The following BAG4 variants were observed in gnomAD, a reference collection of about 807,000 sequenced individuals.
BAG4 encodes the protein BAG cochaperone 4.
In BAG4, 28 loss-of-function variants were observed where a neutral mutation model predicts 52.1. That is an observed-to-expected ratio of 0.54 (90% confidence interval 0.40 to 0.74). The LOEUF (loss-of-function observed/expected upper bound fraction) is 0.74, where lower values mean the gene tolerates loss of function less well. BAG4 is among the 30% of genes least tolerant of loss of function. BAG4 has a pLI of 0.00. For synonymous variants in BAG4, 208 were observed against 217.0 expected, an observed-to-expected ratio of 0.96 and a Z score of 0.37; for missense variants, 525 against 572.0, an observed-to-expected ratio of 0.92 and a Z score of 0.84.
intron 2 of BAG4, chr8:38,204,175 A>G (rs1169384201): frequency 6.6e-6 from 1 of 152,364 alleles, no homozygotes; most frequent in African/African-American, 2.4e-5. Flanking sequence ...TCATGAAGGC[A>G]TCTCAAAACC....
At chr8:38,193,103 C>T (rs996829607) in intron 2 of BAG4, among the ~76,000 whole-genome samples, 1 of 151,960 alleles carries the variant, frequency 6.6e-6, no homozygotes, top group Non-Finnish European at 1.5e-5. Flanking sequence ...ATAAAAAGTA[C>T]AGAAAATATA....
At chr8:38,206,929 T>C (rs1803777817) in intron 2 of BAG4, among the ~76,000 whole-genome samples, 1 of 150,454 alleles carries the variant, frequency 6.6e-6, no homozygotes, top group African/African-American at 2.4e-5. Flanking sequence ...TACAGATGTG[T>C]GCCATGAGGC....
At chr8:38,196,938 G>T (rs1467750443) in intron 2 of BAG4, among the ~76,000 whole-genome samples, 1 of 151,922 alleles carries the variant, frequency 6.6e-6, no homozygotes, top group Admixed American at 6.6e-5. Context: ...TTAGCTGGGC[G>T]TGGTGGCAGG....
chr8:38,193,292 G>A (rs1803506329), intron 2 of BAG4, among the ~76,000 whole-genome samples: 2 of 151,680 alleles, frequency 1.3e-5, no homozygotes, highest in Admixed American at 6.6e-5. Context: ...GGTGGTGGGC[G>A]CCTGTACTCC....
chr8:38,180,027 G>A lies in BAG4; in HGVS notation c.270+2888G>A, dbSNP rs184972935. 3.9e-5 allele frequency among the ~76,000 whole-genome samples: 6 copies of A among 152,278 alleles called. No homozygotes were observed. In the East Asian group the frequency reaches 9.7e-4, roughly 25 times the overall value. ...AAGTTAAGATTTTAGCATTGTGTAAGGGGTTGTCAGGTGTGGTTTGAGTAC... is the reference window on the plus strand; with the variant it reads ...AAGTTAAGATTTTAGCATTGTGTAAAGGGTTGTCAGGTGTGGTTTGAGTAC... On this transcript the variant is annotated intron_variant, in intron 1 of 4. Coordinates refer to ENST00000287322, the MANE Select transcript of BAG4 (RefSeq NM_004874.4).
chr8:38,188,112 A>G (rs549621751), intron 1 of BAG4, among the ~76,000 whole-genome samples: 40 of 151,940 alleles, frequency 2.6e-4, no homozygotes, highest in Admixed American at 1.9e-3. Flanking sequence ...AGAAAAAAAA[A>G]GTATAATCAT....
intron 2 of BAG4, among the ~76,000 whole-genome samples, chr8:38,196,233 T>C (rs1563282501): frequency 6.6e-6 from 1 of 152,214 alleles, no homozygotes; most frequent in Non-Finnish European, 1.5e-5. Context: ...AGAGTAACCC[T>C]ATATGTATCA....
chr8:38,201,859 TATATATATATATATATA>T (rs1563284035), intron 2 of BAG4: 10 of 8,958 alleles, frequency 1.1e-3, no homozygotes, highest in African/African-American at 2.3e-3. Flanking sequence ...TATATATATA[TATATATATATATATATA>T]TATATTTTTT....
At chr8:38,191,893 A>G (rs1471694901) in intron 1 of BAG4, among the ~76,000 whole-genome samples, 3 of 152,198 alleles carry the variant, frequency 2.0e-5, no homozygotes, top group Non-Finnish European at 4.4e-5. Flanking sequence ...TCTTTTATCA[A>G]AGTTTATTGG....
chr8:38,208,221 C>A (rs1299502714), intron 3 of BAG4, among the ~76,000 whole-genome samples: 3 of 151,044 alleles, frequency 2.0e-5, no homozygotes, highest in African/African-American at 7.3e-5. Context: ...GTGATCTGCC[C>A]CCCTCGGCCT....
chr8:38,191,590 C>G (rs1803474569), intron 1 of BAG4, among the ~76,000 whole-genome samples: 1 of 151,998 alleles, frequency 6.6e-6, no homozygotes. Flanking sequence ...GAAACCCGGT[C>G]TCTACTAAAA....
Position 38,192,712 on chromosome 8 carries a change from A to C in BAG4, c.295A>C (p.Asn99His). The C allele has an allele frequency of 6.2e-7, 1 of 1,612,220 alleles. No individual in the cohort carries two copies. Among genetic ancestry groups the C allele is most frequent in the Middle Eastern group, 1.7e-4 (1 of 6,054 alleles). ...HQEQPPYPSY[N>H]SNYWNSTARS... The stretch of plus-strand genomic sequence containing the variant: ...GGAGCAGCCACCATATCCTAGCTAC[A>C]ATTCTAACTATTGGAATTCTACTGC... The change falls in exon 2 of 5, where the codon AAT becomes CAT. Residue 99 changes from asparagine (N) to histidine (H), a missense_variant. Coordinates refer to ENST00000287322, the MANE Select transcript of BAG4 (RefSeq NM_004874.4).
chr8:38,206,317 A>G (rs1444687652), intron 2 of BAG4, among the ~76,000 whole-genome samples: 1 of 151,206 alleles, frequency 6.6e-6, no homozygotes, highest in Non-Finnish European at 1.5e-5. Flanking sequence ...AGCCTCCCAA[A>G]GTGCTGGGAT....
rs187357487 is a variant in BAG4 at position 38,186,528 on chromosome 8, G to A, written c.271-6160G>A. Among the ~76,000 whole-genome samples the A allele has an allele frequency of 1.6e-3, 245 of 152,300 alleles. 2 individuals carry two copies. Among genetic ancestry groups the A allele is most frequent in the African/African-American group, 5.5e-3 (230 of 41,568 alleles). ...AAAGCAATAGGGAAGAGACTGGTTA[G>A]ATTCACTGGAGATGCAGGATAAACT... is the stretch of plus-strand genomic sequence containing the variant. On this transcript the variant is annotated intron_variant, in intron 1 of 4. Transcript: ENST00000287322.
At chr8:38,192,531 C>T (rs1457369003) in intron 1 of BAG4, among the ~76,000 whole-genome samples, 157 bp from the exon 2 acceptor site, 4 of 151,752 alleles carry the variant, frequency 2.6e-5, no homozygotes, top group African/African-American at 9.7e-5. Context: ...CCTCAGCCTC[C>T]GCAGTAGTGG....
intron 2 of BAG4, among the ~76,000 whole-genome samples, chr8:38,206,954 T>C (rs1345242935): frequency 6.7e-6 from 1 of 148,702 alleles, no homozygotes; most frequent in Non-Finnish European, 1.5e-5. Flanking sequence ...ATAATTTTTT[T>C]TTTTTTTTTT....
At chr8:38,198,309 G>A (rs1344429384) in intron 2 of BAG4, among the ~76,000 whole-genome samples, 12 of 149,098 alleles carry the variant, frequency 8.0e-5, no homozygotes, top group East Asian at 4.2e-4. Context: ...GTGTGAATCC[G>A]GGAGGCGGAG....
rs1020539679 is a variant in BAG4 at position 38,213,052 on chromosome 8, A to C, written c.*2559A>C. ...TGTTAAATCATGTTAAAATTATTCCAAATACCAATATCAAAGAAAACTAAG... is the reference window on the plus strand; with the variant it reads ...TGTTAAATCATGTTAAAATTATTCCCAATACCAATATCAAAGAAAACTAAG... On this transcript the variant is annotated 3_prime_UTR_variant, in exon 5 of 5. Coordinates refer to ENST00000287322, the MANE Select transcript of BAG4 (RefSeq NM_004874.4). 1 of 152,226 alleles carries C rather than the reference A, an allele frequency of 6.6e-6. No individual in the cohort carries two copies. The highest frequency in any genetic ancestry group is 1.5e-5 in the Non-Finnish European group (1 of 68,036). 9.4% of individuals were successfully genotyped at this position (152,226 alleles called of 1,614,324 possible). A position where few individuals can be genotyped will look rare whatever the true frequency, so the allele number is the denominator to read the frequency against.
At chr8:38,188,568 C>T (rs147884955) in intron 1 of BAG4, among the ~76,000 whole-genome samples, 2 of 150,192 alleles carry the variant, frequency 1.3e-5, no homozygotes, top group South Asian at 2.1e-4. Flanking sequence ...CATATAAATA[C>T]ATATATATAC....
Sources: allele counts gnomAD v4.1 joint callset (sites outside exome capture counted in the v4.1 genomes callset), GRCh38; gene constraint gnomAD v4.1.1; transcripts MANE v1.5; gene names NCBI Gene and HGNC (gene_info 2026-07-23, HGNC 2026-07-21).